Variants in GRIP1 observed in about 807,000 individuals in gnomAD.
The protein encoded by GRIP1 is glutamate receptor-interacting protein 1.
GRIP1 carries 45 observed loss-of-function variants against 129.9 expected under a neutral mutation model. That is an observed-to-expected ratio of 0.35 (90% CI 0.27 to 0.44). GRIP1 has a LOEUF of 0.44. Ranked by LOEUF, GRIP1 falls within the 20% of genes least tolerant of loss-of-function variation. The probability of loss-of-function intolerance (pLI) is 1.00; values close to 1 mark genes in which losing one functional copy is unlikely to be tolerated. For synonymous variants in GRIP1, 530 were observed against 520.8 expected (o/e 1.02, Z -0.24); for missense variants, 1,196 against 1,396.8 (o/e 0.86, Z 2.29).
intron 1 of GRIP1, among the ~76,000 whole-genome samples, chr12:66,915,134 G>A (rs1161199534): frequency 6.6e-6 from 1 of 152,112 alleles, no homozygotes; most frequent in African/African-American, 2.4e-5. Flanking sequence ...TGGACAGAAA[G>A]TCCAAAAGAA....
At chr12:66,522,979 A>G (rs1486124246) in intron 5 of GRIP1, among the ~76,000 whole-genome samples, 1 of 152,220 alleles carries the variant, frequency 6.6e-6, no homozygotes, top group Middle Eastern at 3.2e-3. Flanking sequence ...AATTCAGAGA[A>G]AAAAGAATAA....
At chr12:66,693,051 G>A (rs915742819) in intron 1 of GRIP1, among the ~76,000 whole-genome samples, 5 of 152,094 alleles carry the variant, frequency 3.3e-5, no homozygotes, top group Non-Finnish European at 7.3e-5. Context: ...TACATAAAAA[G>A]TGCTAGGGTG....
At chr12:66,929,805 T>G (rs2041358091) in intron 1 of GRIP1, among the ~76,000 whole-genome samples, 1 of 152,234 alleles carries the variant, frequency 6.6e-6, no homozygotes, top group Non-Finnish European at 1.5e-5. Flanking sequence ...GGTGGACCTT[T>G]GAGCTCAGTC....
intron 16 of GRIP1, 97 bp from the exon 17 acceptor site, chr12:66,394,449 G>A (rs976543987): frequency 2.5e-5 from 25 of 997,268 alleles, no homozygotes; most frequent in African/African-American, 1.4e-4. Flanking sequence ...AAACATCCTC[G>A]TCAAAGTATC....
chr12:66,393,745 T>G lies in GRIP1; in HGVS notation c.2129+463A>C, dbSNP rs1280486345. Among the ~76,000 whole-genome samples, 3 of 152,270 alleles carry G rather than the reference T, an allele frequency of 2.0e-5. No homozygotes were observed. The East Asian group carries it at 5.8e-4, about 29-fold the overall frequency. On this transcript the variant is annotated intron_variant, in intron 17 of 24. Transcript: ENST00000359742. ...GACATTCCAGCTTTTAAGACATTAT[T>G]AAAATGGGTTATACACTTTGTTTCC... is the stretch of plus-strand genomic sequence containing the variant.
At chr12:66,393,686 G>T (rs139953118) in intron 17 of GRIP1, among the ~76,000 whole-genome samples, 31 of 152,224 alleles carry the variant, frequency 2.0e-4, no homozygotes, top group African/African-American at 7.2e-4. Context: ...TGGGGAGTGG[G>T]TGTGTGTGTA....
intron 19 of GRIP1, among the ~76,000 whole-genome samples, chr12:66,388,524 G>A (rs1353437881): frequency 1.3e-5 from 2 of 152,176 alleles, no homozygotes; most frequent in African/African-American, 4.8e-5. Flanking sequence ...CAGTCATAGG[G>A]TTTTCTCAGA....
intron 19 of GRIP1, among the ~76,000 whole-genome samples, chr12:66,385,071 G>T (rs2056293739): frequency 6.6e-6 from 1 of 152,128 alleles, no homozygotes; most frequent in African/African-American, 2.4e-5. Context: ...GGCAGCCCAG[G>T]CGTAAGAAAA....
chr12:66,535,372 A>C (rs1480606201), intron 4 of GRIP1, among the ~76,000 whole-genome samples: 4 of 151,980 alleles, frequency 2.6e-5, no homozygotes, highest in Non-Finnish European at 1.5e-5. Context: ...AAAAAAAAAA[A>C]CACAGTACTT....
chr12:66,349,848 A>T (rs1192976667), intron 24 of GRIP1, among the ~76,000 whole-genome samples: 1 of 151,848 alleles, frequency 6.6e-6, no homozygotes, highest in Non-Finnish European at 1.5e-5. Context: ...AAATGAGCTT[A>T]TCCCCTCTTC....
In GRIP1 at chr12:66,565,567, A is replaced by C. The variant is rs559112165; in HGVS notation, c.137-23617T>G. The stretch of plus-strand genomic sequence containing the variant: ...TGAAGTCAGGTAGCGTGATGCCTCC[A>C]GCTTTGTTCTTTTGGCTTAGGACTG... On this transcript the variant is annotated intron_variant, in intron 2 of 24. Coordinates refer to ENST00000359742, the MANE Select transcript of GRIP1 (RefSeq NM_001366722.1). Among the ~76,000 whole-genome samples the C allele has an allele frequency of 2.6e-5, 4 of 152,308 alleles. No individual in the cohort carries two copies. The East Asian group carries it at 7.7e-4, about 29-fold the overall frequency.
At chr12:66,852,721 G>C (rs1307601292) in intron 1 of GRIP1, among the ~76,000 whole-genome samples, 1 of 151,638 alleles carries the variant, frequency 6.6e-6, no homozygotes. Flanking sequence ...ATTAAATAGA[G>C]ATGTCAACTC....
At chr12:67,035,545 T>C (rs762115288) in intron 1 of GRIP1, 2 of 152,198 alleles carry the variant, frequency 1.3e-5, no homozygotes, top group African/African-American at 2.4e-5. Flanking sequence ...CAAATCAGAA[T>C]TGACAATGAT....
chr12:66,465,562 C>T, intron 7 of GRIP1, 140 bp from the exon 8 acceptor site: 1 of 711,114 alleles, frequency 1.4e-6, no homozygotes, highest in South Asian at 1.7e-5. Flanking sequence ...CATATAATAT[C>T]CCCACAGCCA....
intron 1 of GRIP1, among the ~76,000 whole-genome samples, chr12:67,054,608 A>G (rs1415203964): frequency 1.3e-5 from 2 of 152,164 alleles, no homozygotes; most frequent in Non-Finnish European, 2.9e-5. Flanking sequence ...TACTAAAAAT[A>G]CAAAAATTAG....
At chr12:66,522,625 T>C (rs889824201) in intron 5 of GRIP1, among the ~76,000 whole-genome samples, 4 of 151,868 alleles carry the variant, frequency 2.6e-5, no homozygotes, top group Non-Finnish European at 5.9e-5. Flanking sequence ...AAAAGCAGAG[T>C]GCCTCTCCTC....
intron 1 of GRIP1, among the ~76,000 whole-genome samples, chr12:66,943,640 A>C (rs1398253613): frequency 2.0e-5 from 3 of 152,214 alleles, no homozygotes; most frequent in African/African-American, 7.2e-5. Flanking sequence ...AAGTACATTT[A>C]CAGATCATTC....
intron 1 of GRIP1, among the ~76,000 whole-genome samples, chr12:67,018,677 T>C (rs1353479540): frequency 6.6e-6 from 1 of 152,136 alleles, no homozygotes; most frequent in Non-Finnish European, 1.5e-5. Flanking sequence ...CAGAGGTCTC[T>C]TGGATGGTCT....
intron 1 of GRIP1, among the ~76,000 whole-genome samples, chr12:67,061,777 C>G (rs2043539572): frequency 6.6e-6 from 1 of 152,114 alleles, no homozygotes; most frequent in Non-Finnish European, 1.5e-5. Context: ...ATGGCACAGT[C>G]TGGTAGTCCA....
Sources: allele counts gnomAD v4.1 joint callset (sites outside exome capture counted in the v4.1 genomes callset), GRCh38; gene constraint gnomAD v4.1.1; transcripts MANE v1.5; gene names NCBI Gene and HGNC (gene_info 2026-07-23, HGNC 2026-07-21).